The following HCN1 variants were observed in gnomAD, a reference collection of about 807,000 sequenced individuals.
The protein encoded by HCN1 is hyperpolarization activated cyclic nucleotide gated potassium channel 1, also known as potassium/sodium hyperpolarization-activated cyclic nucleotide-gated channel 1.
A neutral mutation model predicts 78.9 loss-of-function variants in HCN1; 13 were observed. The ratio of observed to expected loss-of-function variants is 0.16; its 90% CI spans 0.11 to 0.26. The LOEUF (loss-of-function observed/expected upper bound fraction) is 0.26. HCN1 is among the 10% of genes least tolerant of loss of function. HCN1 has a pLI of 1.00. For missense variants in HCN1, 810 were observed against 1,154.3 expected, an observed-to-expected ratio of 0.70 and a Z score of 4.32; for synonymous variants, 552 against 455.5, an observed-to-expected ratio of 1.21 and a Z score of -2.70.
Position 45,260,683 on chromosome 5 carries a change from C to T in HCN1, c.*1238G>A, listed in dbSNP as rs1048218792. ...CAGTGAAGACACAGACAACACTTAA[C>T]TCCAAATCAAGCTGTGGTTTACAAA... On this transcript the variant is annotated 3_prime_UTR_variant, in exon 8 of 8. Coordinates refer to ENST00000303230, the MANE Select transcript of HCN1 (RefSeq NM_021072.4). 6.6e-6 allele frequency: 1 copy of T among 152,536 alleles called. No homozygotes were observed. The highest frequency in any genetic ancestry group is 2.4e-5 in the African/African-American group (1 of 41,410). The allele number at this position is 152,536 out of a possible 1,614,324, so 9.4% of individuals were successfully genotyped here. A position where few individuals can be genotyped will look rare whatever the true frequency, so the allele number is the denominator to read the frequency against.
rs1383520506 is a variant in HCN1 at position 45,261,334 on chromosome 5, T to G, written c.*587A>C. Reference sequence around the variant, plus strand: ...GGTTAGTGATATTCTTAACAAACAGTGGCAATGCTAGTCTCCTACGGTGGC... The same window carrying G: ...GGTTAGTGATATTCTTAACAAACAGGGGCAATGCTAGTCTCCTACGGTGGC... On this transcript the variant is annotated 3_prime_UTR_variant, in exon 8 of 8. Transcript: ENST00000303230. 1 of 152,694 alleles carries G rather than the reference T, an allele frequency of 6.5e-6. No homozygotes were observed. The highest frequency in any genetic ancestry group is 1.9e-4 in the East Asian group (1 of 5,194). The allele number at this position is 152,694 out of a possible 1,614,324, so 9.5% of individuals were successfully genotyped here. A position where few individuals can be genotyped will look rare whatever the true frequency, so the allele number is the denominator to read the frequency against.
At chr5:45,278,233 T>C (rs1389671291) in intron 6 of HCN1, among the ~76,000 whole-genome samples, 13 of 152,052 alleles carry the variant, frequency 8.5e-5, no homozygotes, top group Non-Finnish European at 1.6e-4. Context: ...CTTCACTCGA[T>C]AGATTACAAT....
At position 45,303,625 on chromosome 5, in the gene HCN1, T is replaced by C. The variant is rs763513109; in HGVS notation, c.1592A>G (p.Lys531Arg). Residue 531 changes from lysine (K) to arginine (R), a missense_variant, in exon 6 of 8, where the codon AAG (lysine) becomes AGG (arginine). By Grantham distance (26) the Lys-to-Arg change is conservative (BLOSUM62 2). Coordinates refer to ENST00000303230, the MANE Select transcript of HCN1 (RefSeq NM_021072.4). ...TCCAAAGTAAGAGCCATCTGTCAGC[T>C]TCATTTCTTTACTGGATTTTGTAAT... ...GVITKSSKEMKLTDGSYFGEI... is the reference protein window; with the variant it reads ...GVITKSSKEMRLTDGSYFGEI... The C allele has an allele frequency of 1.2e-6, 2 of 1,613,424 alleles. No individual in the cohort carries two copies. Among genetic ancestry groups the C allele is most frequent in the South Asian group, 1.1e-5 (1 of 91,074 alleles).
intron 2 of HCN1, among the ~76,000 whole-genome samples, chr5:45,504,735 A>G (rs1302072164): frequency 6.6e-6 from 1 of 152,114 alleles, no homozygotes; most frequent in African/African-American, 2.4e-5. Context: ...AAGTGTTCCT[A>G]TTTCTCCACA....
intron 3 of HCN1, among the ~76,000 whole-genome samples, chr5:45,443,540 C>T (rs1740725708): frequency 6.6e-6 from 1 of 152,018 alleles, no homozygotes; most frequent in Non-Finnish European, 1.5e-5. Context: ...TGCGTTAACT[C>T]ATCCATTATC....
chr5:45,372,011 CATATA>C (rs1295447921), intron 4 of HCN1, among the ~76,000 whole-genome samples: 1 of 56,164 alleles, frequency 1.8e-5, no homozygotes, highest in South Asian at 5.1e-4. Flanking sequence ...TAGTATATAT[CATATA>C]ATATATATAA....
chr5:45,498,840 C>T (rs1316147834), intron 2 of HCN1, among the ~76,000 whole-genome samples: 1 of 152,086 alleles, frequency 6.6e-6, no homozygotes, highest in Admixed American at 6.6e-5. Flanking sequence ...GAGTACCCGG[C>T]CGTGTGAGGT....
intron 2 of HCN1, among the ~76,000 whole-genome samples, chr5:45,596,491 T>C (rs1744498925): frequency 6.6e-6 from 1 of 152,186 alleles, no homozygotes; most frequent in South Asian, 2.1e-4. Context: ...GGAATGTCAA[T>C]GAATAACAGT....
intron 3 of HCN1, among the ~76,000 whole-genome samples, chr5:45,445,158 T>C (rs1181620551): frequency 6.6e-6 from 1 of 152,196 alleles, no homozygotes; most frequent in African/African-American, 2.4e-5. Context: ...AGATGGCACC[T>C]GGAAAATCGG....
At chr5:45,342,238 CTT>C (rs553095512) in intron 5 of HCN1, among the ~76,000 whole-genome samples, 39 of 141,338 alleles carry the variant, frequency 2.8e-4, no homozygotes, top group African/African-American at 6.2e-4. Flanking sequence ...TATTTCTTTC[CTT>C]TTTTTTTTTT....
Position 45,504,099 on chromosome 5 carries a change from A to C in HCN1, c.850-42092T>G, listed in dbSNP as rs138056764. 7.5e-3 allele frequency among the ~76,000 whole-genome samples: 1,133 copies of C among 151,880 alleles called. 9 individuals carry two copies. Among genetic ancestry groups the C allele is most frequent in the Non-Finnish European group, 9.6e-3 (649 of 67,916 alleles). ...CATGCCAGGACCACATTTTATTATT[A>C]TTCTTCTTCTTATTATTATACATTA... On this transcript the variant is annotated intron_variant, in intron 2 of 7. Transcript: ENST00000303230.
intron 4 of HCN1, among the ~76,000 whole-genome samples, chr5:45,353,455 T>G (rs967525075): frequency 2.0e-5 from 3 of 152,004 alleles, no homozygotes; most frequent in Non-Finnish European, 4.4e-5. Context: ...GGTGCACATT[T>G]CATGGAAAGA....
chr5:45,487,383 AGT>A (rs1459511065), intron 2 of HCN1, among the ~76,000 whole-genome samples: 2 of 152,134 alleles, frequency 1.3e-5, no homozygotes, highest in African/African-American at 4.8e-5. Context: ...TTCAATATAA[AGT>A]ATATTTTTGA....
chr5:45,539,648 G>A (rs1174638634), intron 2 of HCN1, among the ~76,000 whole-genome samples: 8 of 149,890 alleles, frequency 5.3e-5, no homozygotes, highest in Admixed American at 4.6e-4. Context: ...CTGGGTGACA[G>A]AGCGAGACTC....
intron 4 of HCN1, among the ~76,000 whole-genome samples, chr5:45,374,064 TAA>T (rs1491375347): frequency 4.2e-5 from 4 of 95,532 alleles, no homozygotes; most frequent in African/African-American, 1.7e-4. Flanking sequence ...ATTATATATA[TAA>T]TATATATAAT....
chr5:45,321,569 C>G (rs1403433129), intron 5 of HCN1, among the ~76,000 whole-genome samples: 2 of 151,816 alleles, frequency 1.3e-5, no homozygotes, highest in Non-Finnish European at 2.9e-5. Flanking sequence ...AAAAGAGTCA[C>G]TTTTAGCATT....
chr5:45,400,562 T>C (rs1401899355), intron 3 of HCN1, among the ~76,000 whole-genome samples: 1 of 151,802 alleles, frequency 6.6e-6, no homozygotes, highest in African/African-American at 2.4e-5. Flanking sequence ...CAGCTAATTT[T>C]GCATTTTTAG....
At chr5:45,461,226 T>C (rs900736709) in intron 3 of HCN1, among the ~76,000 whole-genome samples, 2 of 152,032 alleles carry the variant, frequency 1.3e-5, no homozygotes, top group African/African-American at 4.8e-5. Flanking sequence ...GATCAAAACA[T>C]ATCTTCTTAA....
At chr5:45,380,536 A>G (rs1747788297) in intron 4 of HCN1, among the ~76,000 whole-genome samples, 1 of 152,152 alleles carries the variant, frequency 6.6e-6, no homozygotes, top group Non-Finnish European at 1.5e-5. Context: ...GTTCTGGGTT[A>G]CTAAATATGT....
Sources: allele counts gnomAD v4.1 joint callset (sites outside exome capture counted in the v4.1 genomes callset), GRCh38; gene constraint gnomAD v4.1.1; transcripts MANE v1.5; gene names NCBI Gene and HGNC (gene_info 2026-07-23, HGNC 2026-07-21).